The following AIRIM variants were observed in gnomAD, a reference collection of about 807,000 sequenced individuals.
AIRIM encodes the protein AFG2-interacting ribosome maturation factor.
the AIRIM span, among the ~76,000 whole-genome samples, chr1:37,685,589 T>A: frequency 1.3e-5 from 2 of 151,954 alleles, no homozygotes; most frequent in African/African-American, 4.8e-5. Flanking sequence ...CGTTTCACCA[T>A]GTTGCCCAGG....
At chr1:37,691,860 G>A in the AIRIM span, among the ~76,000 whole-genome samples, 1 of 152,234 alleles carries the variant, frequency 6.6e-6, no homozygotes, top group African/African-American at 2.4e-5. Flanking sequence ...TGGCCGGCCC[G>A]CGGGGGAGCG....
At chr1:37,690,537 C>A in the AIRIM span, 11 of 1,149,674 alleles carry the variant, frequency 9.6e-6, no homozygotes, top group African/African-American at 1.6e-5. Context: ...CATGCTCACA[C>A]GCGACCTCCC....
chr1:37,691,684 A>G, the AIRIM span: 9 of 152,462 alleles, frequency 5.9e-5, no homozygotes, highest in African/African-American at 2.2e-4. Context: ...GCCCACGGCC[A>G]CGACACCCAG....
At chr1:37,686,363 A>G in the AIRIM span, 1 of 1,614,166 alleles carries the variant, frequency 6.2e-7, no homozygotes, top group Non-Finnish European at 8.5e-7. Flanking sequence ...GACAGCATCA[A>G]TGCCAACTGT....
At chr1:37,690,265 G>A in the AIRIM span, 1 of 1,293,038 alleles carries the variant, frequency 7.7e-7, no homozygotes, top group Non-Finnish European at 1.0e-6. Flanking sequence ...GATTACAGGC[G>A]TGAGCCACCG....
chr1:37,686,896 C>G, the AIRIM span, among the ~76,000 whole-genome samples: 2 of 152,030 alleles, frequency 1.3e-5, no homozygotes, highest in East Asian at 1.9e-4. Flanking sequence ...AACCCCGTCT[C>G]TACTAAATAT....
the AIRIM span, among the ~76,000 whole-genome samples, chr1:37,684,855 T>C: frequency 4.6e-5 from 7 of 151,932 alleles, no homozygotes; most frequent in African/African-American, 1.7e-4. Flanking sequence ...TAAAATCAGG[T>C]GTCAGACAAG....
the AIRIM span, chr1:37,683,460 T>A: frequency 6.2e-7 from 1 of 1,608,256 alleles, no homozygotes; most frequent in Non-Finnish European, 8.5e-7. Context: ...TAAGGACTGC[T>A]CAAAAGAAAA....
At chr1:37,683,536 G>A in the AIRIM span, 3 of 1,382,930 alleles carry the variant, frequency 2.2e-6, no homozygotes, top group Non-Finnish European at 3.0e-6. Context: ...AAGTGAAAGT[G>A]CAGATATCCT....
At chr1:37,687,548 G>C in the AIRIM span, among the ~76,000 whole-genome samples, 1 of 151,182 alleles carries the variant, frequency 6.6e-6, no homozygotes, top group Non-Finnish European at 1.5e-5. Context: ...CCAGGAATTT[G>C]AGACCAGCCT....
the AIRIM span, chr1:37,683,686 A>G: frequency 2.5e-6 from 1 of 393,204 alleles, no homozygotes; most frequent in Non-Finnish European, 4.6e-6. Flanking sequence ...TGAGGACAAA[A>G]TCAGATCCTG....
At chr1:37,688,345 G>A in the AIRIM span, among the ~76,000 whole-genome samples, 1 of 152,132 alleles carries the variant, frequency 6.6e-6, no homozygotes, top group Non-Finnish European at 1.5e-5. Flanking sequence ...ACCGTGCCGG[G>A]CCAGTCATAC....
At chr1:37,686,575 A>G in the AIRIM span, 4 of 957,740 alleles carry the variant, frequency 4.2e-6, no homozygotes, top group South Asian at 3.3e-5. Flanking sequence ...TGCCCTGTAC[A>G]TTGTAGGACG....
the AIRIM span, among the ~76,000 whole-genome samples, chr1:37,688,243 A>T: frequency 6.7e-6 from 1 of 150,292 alleles, no homozygotes; most frequent in Non-Finnish European, 1.5e-5. Flanking sequence ...TTTTTAGTAG[A>T]GATGGTGTTT....
chr1:37,690,275 G>A, the AIRIM span: 1 of 1,292,620 alleles, frequency 7.7e-7, no homozygotes, highest in Non-Finnish European at 1.0e-6. Flanking sequence ...GTGAGCCACC[G>A]CGCCCGGCCT....
the AIRIM span, among the ~76,000 whole-genome samples, chr1:37,685,304 C>A: frequency 1.3e-5 from 2 of 151,610 alleles, no homozygotes; most frequent in Admixed American, 6.6e-5. Flanking sequence ...TGACCTCCCA[C>A]GCTCAAGCAA....
At chr1:37,687,571 A>G in the AIRIM span, among the ~76,000 whole-genome samples, 1 of 151,814 alleles carries the variant, frequency 6.6e-6, no homozygotes, top group Non-Finnish European at 1.5e-5. Flanking sequence ...GCAATATGGC[A>G]AGACTATCTC....
the AIRIM span, chr1:37,683,523 T>C: frequency 1.4e-6 from 2 of 1,479,154 alleles, no homozygotes; most frequent in Non-Finnish European, 1.8e-6. Flanking sequence ...GAGGGAGCCA[T>C]AAAAGTGAAA....
At chr1:37,685,194 G>C in the AIRIM span, among the ~76,000 whole-genome samples, 1 of 119,812 alleles carries the variant, frequency 8.3e-6, no homozygotes, top group African/African-American at 3.1e-5. Context: ...CTTTTTTTTG[G>C]GGGGGGGGGG....
Sources: gnomAD v4.1 joint callset for allele counts (sites outside exome capture counted in the v4.1 genomes callset) on GRCh38, gnomAD v4.1.1 for gene constraint, MANE v1.5 for transcripts, NCBI Gene and HGNC (gene_info 2026-07-23, HGNC 2026-07-21) for gene names.